The following GRK5 variants were observed in gnomAD, a reference collection of about 807,000 sequenced individuals.
GRK5 encodes the protein g protein-coupled receptor kinase GRK5.
Under a neutral mutation model 78.4 loss-of-function variants are expected in GRK5, and 40 were observed. That is an observed-to-expected ratio of 0.51 (90% confidence interval 0.40 to 0.66). The LOEUF is 0.66. Among genes scored for constraint, GRK5 ranks in the 30% least tolerant of loss-of-function variants. The probability of loss-of-function intolerance (pLI) is 0.00; values close to 1 mark genes in which losing one functional copy is unlikely to be tolerated. For synonymous variants in GRK5, 289 were observed against 296.8 expected (o/e 0.97, Z 0.27); for missense variants, 598 against 759.9 (o/e 0.79, Z 2.50).
At chr10:119,449,641 T>A (rs942950734) in intron 13 of GRK5, among the ~76,000 whole-genome samples, 2 of 151,920 alleles carry the variant, frequency 1.3e-5, no homozygotes, top group African/African-American at 4.8e-5. Context: ...AATACAAAAT[T>A]AACCAGGCTT....
rs1344788453 is a variant in GRK5, at chr10:119,238,594, T to A, written c.52+30625T>A. 6.6e-6 allele frequency among the ~76,000 whole-genome samples: 1 copy of A among 152,216 alleles called. No homozygotes were observed. The highest frequency in any genetic ancestry group is 1.5e-5 in the Non-Finnish European group (1 of 68,036). ...GACAATATGCAGGAAAACACCCGCC[T>A]TCTCTTAGACATGTAGGGTTCGCGC... is the stretch of plus-strand genomic sequence containing the variant. On this transcript the variant is annotated intron_variant, in intron 1 of 15. Coordinates refer to ENST00000392870, the MANE Select transcript of GRK5 (RefSeq NM_005308.3). This position sits in a 1 kb window ranked among gnomAD's most constrained non-coding sequence, Gnocchi z 4.7.
chr10:119,345,627 T>C (rs1324349818), intron 2 of GRK5, among the ~76,000 whole-genome samples: 1 of 152,166 alleles, frequency 6.6e-6, no homozygotes, highest in African/African-American at 2.4e-5. Flanking sequence ...TCTTGACTTC[T>C]CTGAAGTCGT....
At chr10:119,390,897 G>T (rs1035561379) in intron 3 of GRK5, among the ~76,000 whole-genome samples, 4 of 151,156 alleles carry the variant, frequency 2.6e-5, no homozygotes, top group African/African-American at 9.7e-5. Context: ...TCTGCCACTG[G>T]GGTGCTTATC....
chr10:119,261,792 C>T (rs968964274), intron 1 of GRK5, among the ~76,000 whole-genome samples: 1 of 152,148 alleles, frequency 6.6e-6, no homozygotes, highest in African/African-American at 2.4e-5. Context: ...GCAGGCACTC[C>T]GCAGGCTGAG....
chr10:119,325,578 G>A (rs576460799), intron 1 of GRK5, among the ~76,000 whole-genome samples: 2 of 152,302 alleles, frequency 1.3e-5, no homozygotes, highest in East Asian at 1.9e-4. Flanking sequence ...GTGGCTAAGC[G>A]CCACTGTAAG....
At position 119,259,355 on chromosome 10, in the gene GRK5, C is replaced by T. The variant is rs923577113; in HGVS notation, c.52+51386C>T. Among the ~76,000 whole-genome samples the T allele has an allele frequency of 7.9e-5, 12 of 152,310 alleles. No homozygotes were observed. The East Asian group carries it at 1.7e-3, about 22-fold the overall frequency. On this transcript the variant is annotated intron_variant, in intron 1 of 15. Transcript: ENST00000392870. ...CTGGGATTACAGGCGTGAGCCACTG[C>T]GCCCGGCCTAACACTCCCTCTTTCA...
At position 119,378,044 on chromosome 10, in the gene GRK5, G is replaced by A. The variant is rs975748613; in HGVS notation, c.149-2771G>A. 38 of 154,486 alleles carry A rather than the reference G, an allele frequency of 2.5e-4. No homozygotes were observed. The highest frequency in any genetic ancestry group is 7.7e-4 in the African/African-American group (32 of 41,642). 9.6% of individuals were successfully genotyped at this position (154,486 alleles called of 1,614,324 possible). On this transcript the variant is annotated intron_variant, in intron 2 of 15. Transcript: ENST00000392870. This position sits in a 1 kb window ranked among gnomAD's most constrained non-coding sequence, Gnocchi z 4.5. ...GCAGGCTGCAGACCTGTCACAGGCC[G>A]CTGAGACCAGGTTCCCTACTGTGGC...
chr10:119,277,291 A>G (rs1028539208), intron 1 of GRK5, among the ~76,000 whole-genome samples: 10 of 152,138 alleles, frequency 6.6e-5, no homozygotes, highest in Admixed American at 2.0e-4. Context: ...TGACTGCGTG[A>G]ACTTCTTGCT....
chr10:119,431,667 G>A lies in GRK5; in HGVS notation c.738+140G>A, dbSNP rs1852821303. On this transcript the variant is annotated intron_variant, in intron 8 of 15. Transcript: ENST00000392870. This position sits in a 1 kb window ranked among gnomAD's most constrained non-coding sequence, Gnocchi z 4.8. ...ATGCCAGTGGCAGCGCTGAGCTACA[G>A]AAAGGCCGCAAGACATTCCTCCATC... 2 of 1,025,592 alleles carry A rather than the reference G, an allele frequency of 2.0e-6. No homozygotes were observed. Among genetic ancestry groups the A allele is most frequent in the Non-Finnish European group, 2.8e-6 (2 of 720,274 alleles). The allele number at this position is 1,025,592 out of a possible 1,614,324, so 63.5% of individuals were successfully genotyped here.
At chr10:119,273,796 T>G (rs529105649) in intron 1 of GRK5, among the ~76,000 whole-genome samples, 3 of 152,114 alleles carry the variant, frequency 2.0e-5, no homozygotes, top group Admixed American at 2.0e-4. Context: ...TTTTTTTTGA[T>G]GGAGTCTCGC....
At chr10:119,394,635 GT>G in intron 3 of GRK5, among the ~76,000 whole-genome samples, 1 of 4,040 alleles carries the variant, frequency 2.5e-4, no homozygotes, top group Non-Finnish European at 8.2e-4. Context: ...GTGGGTGTGT[GT>G]GTGGGTGTGT....
At chr10:119,326,473 G>C in intron 1 of GRK5, 43 bp from the exon 2 acceptor site, 1 of 1,533,468 alleles carries the variant, frequency 6.5e-7, no homozygotes, top group East Asian at 2.2e-5. Flanking sequence ...GACGCCGCAG[G>C]CTCTGGAGCC....
chr10:119,330,827 C>A (rs1850763716), intron 2 of GRK5, among the ~76,000 whole-genome samples: 1 of 152,164 alleles, frequency 6.6e-6, no homozygotes, highest in Non-Finnish European at 1.5e-5. Flanking sequence ...TAGAGACCAG[C>A]CTGGCCAACA....
rs550139541 is a variant in GRK5, at chr10:119,315,997, T to C, written c.53-10519T>C. ...TTCTGAACCACAAGCCAGTTTCTGCTGGGAAGTCCTGGGGTCTCTGTAACC... is the reference window on the plus strand; with the variant it reads ...TTCTGAACCACAAGCCAGTTTCTGCCGGGAAGTCCTGGGGTCTCTGTAACC... On this transcript the variant is annotated intron_variant, in intron 1 of 15. Coordinates refer to ENST00000392870, the MANE Select transcript of GRK5 (RefSeq NM_005308.3). 5.9e-4 allele frequency among the ~76,000 whole-genome samples: 90 copies of C among 152,226 alleles called. 1 individual carries two copies. The highest frequency in any genetic ancestry group is 1.1e-3 in the Non-Finnish European group (76 of 68,040).
rs566202421 is a variant in GRK5 at position 119,324,275 on chromosome 10, G to A, written c.53-2241G>A. 9.8e-5 allele frequency among the ~76,000 whole-genome samples: 15 copies of A among 152,346 alleles called. No homozygotes were observed. In the South Asian group the frequency reaches 3.1e-3, roughly 32 times the overall value. On this transcript the variant is annotated intron_variant, in intron 1 of 15. Coordinates refer to ENST00000392870, the MANE Select transcript of GRK5 (RefSeq NM_005308.3). ...GCCAATTATGAGCCACGGGGCCACAGGTGACTTGCTACCTTTCCCCCATGC... is the reference window on the plus strand; with the variant it reads ...GCCAATTATGAGCCACGGGGCCACAAGTGACTTGCTACCTTTCCCCCATGC...
At chr10:119,333,536 G>A (rs916167782) in intron 2 of GRK5, 13 of 323,508 alleles carry the variant, frequency 4.0e-5, no homozygotes, top group Middle Eastern at 1.1e-3. Context: ...AGAGTGACCC[G>A]CCCAGGAGAG....
chr10:119,215,486 G>T (rs368022909), intron 1 of GRK5, among the ~76,000 whole-genome samples: 2 of 145,220 alleles, frequency 1.4e-5, no homozygotes, highest in Admixed American at 6.9e-5. Flanking sequence ...AGGAGAAGGA[G>T]AAAATAGGGA....
chr10:119,393,994 T>C (rs2133846043), intron 3 of GRK5, among the ~76,000 whole-genome samples: 1 of 148,454 alleles, frequency 6.7e-6, no homozygotes, highest in East Asian at 2.0e-4. Context: ...TATGTGTGTG[T>C]GTGTCTGGGT....
At chr10:119,372,312 T>G (rs1851559196) in intron 2 of GRK5, among the ~76,000 whole-genome samples, 1 of 152,244 alleles carries the variant, frequency 6.6e-6, no homozygotes, top group African/African-American at 2.4e-5. Flanking sequence ...TAATCAGCTA[T>G]AGATATAGGC....
Sources: gnomAD v4.1 joint callset for allele counts (sites outside exome capture counted in the v4.1 genomes callset) on GRCh38, gnomAD v4.1.1 for gene constraint, Gnocchi (gnomAD v3.1) non-coding constraint, MANE v1.5 for transcripts, NCBI Gene and HGNC (gene_info 2026-07-23, HGNC 2026-07-21) for gene names.